Variants in BTBD9 observed in about 807,000 individuals in gnomAD.
BTBD9 encodes BTB domain containing 9.
In BTBD9, 49 loss-of-function variants were observed where a neutral mutation model predicts 64.3. The observed-to-expected ratio is 0.76, with a 90% CI of 0.61 to 0.97. BTBD9 has a LOEUF of 0.97. Among genes scored for constraint, BTBD9 ranks in the 50% least tolerant of loss-of-function variants. The pLI is 0.00. For synonymous variants in BTBD9, 260 were observed against 274.7 expected (o/e 0.95, Z 0.53); for missense variants, 598 against 762.1 (o/e 0.78, Z 2.53).
intron 7 of BTBD9, among the ~76,000 whole-genome samples, chr6:38,292,963 T>C (rs987364116): frequency 2.6e-5 from 4 of 152,210 alleles, no homozygotes; most frequent in African/African-American, 9.6e-5. Flanking sequence ...TTTAGTGCTA[T>C]AAATTTCCCT....
At chr6:38,349,416 C>A (rs1460778447) in intron 6 of BTBD9, among the ~76,000 whole-genome samples, 2 of 152,090 alleles carry the variant, frequency 1.3e-5, no homozygotes, top group Non-Finnish European at 2.9e-5. Context: ...TTAGTCCCCC[C>A]TTATCTGTGG....
Position 38,537,836 on chromosome 6 carries a change from G to C in BTBD9, c.1154+39764C>G, listed in dbSNP as rs189566473. Among the ~76,000 whole-genome samples the C allele has an allele frequency of 2.3e-3, 343 of 152,254 alleles. 3 individuals carry two copies. The highest frequency in any genetic ancestry group is 4.3e-4 in the Non-Finnish European group (29 of 68,028). ...TCTCACCAAAGGAACGTGAGTGGTA[G>C]TGATGTATAACACTTTCAAGCCTTG... On this transcript the variant is annotated intron_variant, in intron 6 of 10. Transcript: ENST00000481247.
intron 6 of BTBD9, among the ~76,000 whole-genome samples, chr6:38,357,524 A>G (rs1191834257): frequency 1.3e-5 from 2 of 152,188 alleles, no homozygotes; most frequent in African/African-American, 4.8e-5. Context: ...TGAAACCTTA[A>G]CTATTTTTCA....
At chr6:38,377,980 C>T (rs1765760735) in intron 6 of BTBD9, among the ~76,000 whole-genome samples, 1 of 152,068 alleles carries the variant, frequency 6.6e-6, no homozygotes, top group Non-Finnish European at 1.5e-5. Flanking sequence ...AGCTAAAATC[C>T]TGCTCTACTC....
chr6:38,242,455 A>G (rs1406176643), intron 9 of BTBD9, among the ~76,000 whole-genome samples: 1 of 152,218 alleles, frequency 6.6e-6, no homozygotes, highest in Admixed American at 6.5e-5. Flanking sequence ...GAACTTGGGA[A>G]AGGCACCTGT....
intron 10 of BTBD9, chr6:38,179,895 A>G (rs1252211770): frequency 2.2e-6 from 1 of 446,562 alleles, no homozygotes; most frequent in Non-Finnish European, 4.5e-6. Context: ...CAGGGAGGGG[A>G]GCTGCTTTCC....
chr6:38,338,504 G>A (rs1369953690), intron 7 of BTBD9, among the ~76,000 whole-genome samples: 4 of 152,194 alleles, frequency 2.6e-5, no homozygotes, highest in East Asian at 3.9e-4. Flanking sequence ...ACACTTTAAC[G>A]GCCTAAAGCT....
Position 38,175,175 on chromosome 6 carries a change from T to A in BTBD9, c.1649A>T (p.His550Leu). The change falls in exon 11 of 11, where the codon CAC becomes CTC. Residue 550 changes from histidine to leucine, a missense_variant. His to Leu is a moderately conservative substitution (Grantham distance 99, BLOSUM62 -3). Transcript: ENST00000481247. Reference sequence around the variant, plus strand: ...CTCTGGACACTCAAAGTGGACACAGTGGAACACCTGGGAGAGAAAAGGAAA... The same window carrying A: ...CTCTGGACACTCAAAGTGGACACAGAGGAACACCTGGGAGAGAAAAGGAAA... The part of the protein sequence containing the change: ...GTHNTANEVF[H>L]CVHFECPEQQ... 6.2e-7 allele frequency: 1 copy of A among 1,614,098 alleles called. No homozygotes were observed. Among genetic ancestry groups the A allele is most frequent in the Non-Finnish European group, 8.5e-7 (1 of 1,180,010 alleles).
intron 6 of BTBD9, chr6:38,482,107 A>G (rs1771179422): frequency 1.3e-5 from 2 of 152,358 alleles, no homozygotes; most frequent in South Asian, 4.1e-4. Flanking sequence ...CACATGCTCA[A>G]CTGAACTTCC....
At chr6:38,436,985 A>G (rs949586557) in intron 6 of BTBD9, among the ~76,000 whole-genome samples, 1 of 152,212 alleles carries the variant, frequency 6.6e-6, no homozygotes, top group Non-Finnish European at 1.5e-5. Flanking sequence ...GCTTTCTGTG[A>G]TATCTAAAGC....
intron 6 of BTBD9, among the ~76,000 whole-genome samples, chr6:38,412,638 C>T (rs1767481050): frequency 6.6e-6 from 1 of 151,630 alleles, no homozygotes; most frequent in African/African-American, 2.4e-5. Context: ...GTAGGCAGAT[C>T]AAACGAGGTC....
chr6:38,349,455 C>A (rs899811498), intron 6 of BTBD9, among the ~76,000 whole-genome samples: 2 of 152,070 alleles, frequency 1.3e-5, no homozygotes, highest in Admixed American at 1.3e-4. Context: ...CAGTTATCTG[C>A]AGTACAGTAT....
intron 6 of BTBD9, among the ~76,000 whole-genome samples, chr6:38,460,685 G>A (rs77955755): frequency 0.03 from 4,589 of 152,134 alleles, 138 homozygotes; most frequent in East Asian, 0.096. Flanking sequence ...GTGCAGTGGC[G>A]TGATCCCGGC....
intron 8 of BTBD9, among the ~76,000 whole-genome samples, chr6:38,280,901 G>A (rs1251910810): frequency 6.6e-6 from 1 of 152,200 alleles, no homozygotes; most frequent in African/African-American, 2.4e-5. Context: ...TAGTCAATGA[G>A]TGTTTATTGA....
intron 6 of BTBD9, among the ~76,000 whole-genome samples, chr6:38,545,855 T>TACACACACACACACACAC (rs34465570): frequency 1.5e-5 from 2 of 130,592 alleles, no homozygotes; most frequent in African/African-American, 2.9e-5. Flanking sequence ...CACACACACA[T>TACACACACACACACACAC]ACACACACAC....
rs560081212 is a variant in BTBD9, at chr6:38,346,340, T to C, written c.1155-1247A>G. On this transcript the variant is annotated intron_variant, in intron 6 of 10. Transcript: ENST00000481247. ...TATCATGGGCTATTTTCCCTCCTGA[T>C]TCTTCAAGCTTGACTCTCACGGCAT... 3.9e-5 allele frequency among the ~76,000 whole-genome samples: 6 copies of C among 152,278 alleles called. No homozygotes were observed. In the East Asian group the frequency reaches 1.2e-3, roughly 29 times the overall value.
chr6:38,617,713 A>T (rs1036070553), intron 1 of BTBD9, among the ~76,000 whole-genome samples: 7 of 152,212 alleles, frequency 4.6e-5, no homozygotes, highest in African/African-American at 1.7e-4. Context: ...AAGTGAGGAC[A>T]AAAGACGTCA....
chr6:38,478,028 C>T (rs1417265791), intron 6 of BTBD9, among the ~76,000 whole-genome samples: 1 of 152,186 alleles, frequency 6.6e-6, no homozygotes, highest in Non-Finnish European at 1.5e-5. Context: ...AATACCCCTG[C>T]TGCCACAGGG....
At chr6:38,287,082 C>CAAAAA (rs60618390) in intron 8 of BTBD9, among the ~76,000 whole-genome samples, 888 of 25,370 alleles carry the variant, frequency 0.035, 243 homozygotes, top group African/African-American at 0.064. Flanking sequence ...GGCTCCATCT[C>CAAAAA]AAAAAAAAAA....
Sources: allele counts gnomAD v4.1 joint callset (sites outside exome capture counted in the v4.1 genomes callset), GRCh38; gene constraint gnomAD v4.1.1; transcripts MANE v1.5; gene names NCBI Gene and HGNC (gene_info 2026-07-23, HGNC 2026-07-21).